ATXN7L1: variants seen among roughly 807,000 people sequenced by gnomAD.
ATXN7L1 encodes the protein ataxin-7-like protein 1.
Under a neutral mutation model 70.8 loss-of-function variants are expected in ATXN7L1, and 15 were observed. That is an observed-to-expected ratio of 0.21 (90% confidence interval 0.14 to 0.33). The LOEUF (loss-of-function observed/expected upper bound fraction) is 0.33. ATXN7L1 is among the 10% of genes least tolerant of loss of function. The pLI, the probability that ATXN7L1 is intolerant of heterozygous loss-of-function variation, is 1.00. For synonymous variants in ATXN7L1, 440 were observed against 445.1 expected, an observed-to-expected ratio of 0.99 and a Z score of 0.14; for missense variants, 975 against 1,097.1, an observed-to-expected ratio of 0.89 and a Z score of 1.57.
intron 3 of ATXN7L1, among the ~76,000 whole-genome samples, chr7:105,704,951 C>T (rs983832587): frequency 2.0e-5 from 3 of 152,082 alleles, no homozygotes; most frequent in Non-Finnish European, 2.9e-5. Context: ...AACCCAAGCA[C>T]ACTCTCCTGT....
Position 105,807,713 on chromosome 7 carries a change from C to T in ATXN7L1, c.251-19005G>A, listed in dbSNP as rs115405574. On this transcript the variant is annotated intron_variant, in intron 2 of 11. Coordinates refer to ENST00000419735, the MANE Select transcript of ATXN7L1 (RefSeq NM_020725.2). The stretch of plus-strand genomic sequence containing the variant: ...CCGGGCTGGGCTGCAGTAGCATGGA[C>T]GGACCCACATGGAGCACAGGTGAGC... Among the ~76,000 whole-genome samples, 861 of 152,282 alleles carry T rather than the reference C, an allele frequency of 5.7e-3. 5 individuals are homozygous for T. The highest frequency in any genetic ancestry group is 0.02 in the African/African-American group (825 of 41,528).
Position 105,638,580 on chromosome 7 carries a change from G to T in ATXN7L1, c.975C>A (p.Val325=). 1 of 1,551,872 alleles carries T rather than the reference G, an allele frequency of 6.4e-7. No homozygotes were observed. The highest frequency in any genetic ancestry group is 8.7e-7 in the Non-Finnish European group (1 of 1,147,040). The part of the protein sequence containing the change: ...KTHSLSHRRA[V]PGRKKQFDLL... ...GGTCAAATTGCTTTTTCCGGCCTGG[G>T]ACTGCCCTCCGATGGCTTAGCGAAT... is the stretch of plus-strand genomic sequence containing the variant. The change falls in exon 7 of 12, where the codon GTC becomes GTA. Residue 325 remains valine (V), a synonymous_variant. Coordinates refer to ENST00000419735, the MANE Select transcript of ATXN7L1 (RefSeq NM_020725.2).
intron 2 of ATXN7L1, among the ~76,000 whole-genome samples, chr7:105,825,964 G>A (rs1385062243): frequency 2.0e-5 from 3 of 152,206 alleles, no homozygotes; most frequent in African/African-American, 7.2e-5. Context: ...GGGTGGAGAT[G>A]TGTGACAGCC....
chr7:105,644,664 C>A (rs1157635752), intron 4 of ATXN7L1, among the ~76,000 whole-genome samples: 1 of 152,198 alleles, frequency 6.6e-6, no homozygotes. Flanking sequence ...AGATGCTAGA[C>A]AGGTATTACC....
At chr7:105,660,789 G>C (rs1305775784) in intron 4 of ATXN7L1, among the ~76,000 whole-genome samples, 1 of 151,924 alleles carries the variant, frequency 6.6e-6, no homozygotes, top group East Asian at 1.9e-4. Flanking sequence ...CACCATGTTG[G>C]TCAGGCTGGT....
intron 2 of ATXN7L1, among the ~76,000 whole-genome samples, chr7:105,842,363 C>T (rs545421725): frequency 6.6e-6 from 1 of 152,268 alleles, no homozygotes; most frequent in East Asian, 1.9e-4. Context: ...AAACCCCGTA[C>T]TTCCCAATTC....
At position 105,818,328 on chromosome 7, in the gene ATXN7L1, C is replaced by A. The variant is rs1290928596; in HGVS notation, c.251-29620G>T. Among the ~76,000 whole-genome samples, 3 of 152,150 alleles carry A rather than the reference C, an allele frequency of 2.0e-5. No individual in the cohort carries two copies. In the East Asian group the frequency reaches 5.8e-4, roughly 29 times the overall value. On this transcript the variant is annotated intron_variant, in intron 2 of 11. Coordinates refer to ENST00000419735, the MANE Select transcript of ATXN7L1 (RefSeq NM_020725.2). ...GGGGCTACAGGCACGTGCCACCACG[C>A]CCCAGCTAATTTTTGTATTTTTTGT...
intron 4 of ATXN7L1, among the ~76,000 whole-genome samples, chr7:105,663,292 C>T (rs569099012): frequency 6.6e-5 from 10 of 152,310 alleles, no homozygotes; most frequent in Admixed American, 2.6e-4. Context: ...AGCTTGCCCA[C>T]GAGGCCCAGC....
Position 105,840,102 on chromosome 7 carries a change from C to T in ATXN7L1, c.250+35710G>A, listed in dbSNP as rs142540761. ...GTGGAGAGCACAGGGACTCTGCCGGCAGGCAGTGGCTGGGCCTGGGAGGGC... is the reference window on the plus strand; with the variant it reads ...GTGGAGAGCACAGGGACTCTGCCGGTAGGCAGTGGCTGGGCCTGGGAGGGC... On this transcript the variant is annotated intron_variant, in intron 2 of 11. Coordinates refer to ENST00000419735, the MANE Select transcript of ATXN7L1 (RefSeq NM_020725.2). 2.3e-3 allele frequency among the ~76,000 whole-genome samples: 355 copies of T among 152,326 alleles called. 3 individuals carry two copies. The highest frequency in any genetic ancestry group is 8.0e-3 in the African/African-American group (333 of 41,568).
intron 4 of ATXN7L1, among the ~76,000 whole-genome samples, chr7:105,653,155 T>A (rs1238940082): frequency 6.6e-6 from 1 of 152,216 alleles, no homozygotes; most frequent in Non-Finnish European, 1.5e-5. Context: ...TCTTTTTTAA[T>A]CTCTATGTTA....
chr7:105,845,865 C>A (rs76012414), intron 2 of ATXN7L1, among the ~76,000 whole-genome samples: 5,228 of 152,144 alleles, frequency 0.034, 292 homozygotes, highest in African/African-American at 0.12. Flanking sequence ...AGAATTTTGG[C>A]CCCTACTTCA....
intron 3 of ATXN7L1, chr7:105,760,360 T>G: frequency 1.1e-6 from 1 of 928,184 alleles, no homozygotes; most frequent in Non-Finnish European, 1.3e-6. Context: ...ATTTTATATA[T>G]GAGGAAACAG....
chr7:105,734,244 T>C (rs972981655), intron 3 of ATXN7L1, among the ~76,000 whole-genome samples: 1 of 152,182 alleles, frequency 6.6e-6, no homozygotes, highest in African/African-American at 2.4e-5. Flanking sequence ...AAATAAGCTT[T>C]CCACATCATG....
chr7:105,796,090 C>T (rs141090968), intron 2 of ATXN7L1, among the ~76,000 whole-genome samples: 229 of 152,288 alleles, frequency 1.5e-3, no homozygotes, highest in South Asian at 2.3e-3. Context: ...CTTAGCTGGG[C>T]GTGGTGGCTC....
intron 2 of ATXN7L1, among the ~76,000 whole-genome samples, chr7:105,874,449 C>T (rs1485622211): frequency 6.6e-6 from 1 of 152,232 alleles, no homozygotes; most frequent in Non-Finnish European, 1.5e-5. Context: ...CCACTGCCAA[C>T]ACACATGAAC....
In ATXN7L1 at chr7:105,614,303, G is replaced by A; in HGVS notation, c.2031C>T (p.Asn677=). The stretch of plus-strand genomic sequence containing the variant: ...AAGCAGAACTGGCATTCAAAACACA[G>A]TTCTTTTTGTGAGGCCCTGACAGTG... ...SSPLSGPHKK[N]CVLNASSALN... is the part of the protein sequence containing the mutation. Residue 677 remains asparagine, a synonymous_variant, in exon 10 of 12, where the codon AAC becomes AAT. Transcript: ENST00000419735. The surrounding 1 kb of genome is among the most constrained non-coding windows in gnomAD (Gnocchi z 4.3). The A allele has an allele frequency of 1.3e-6, 2 of 1,552,196 alleles. No individual in the cohort carries two copies. Among genetic ancestry groups the A allele is most frequent in the Non-Finnish European group, 8.7e-7 (1 of 1,147,106 alleles).
chr7:105,777,407 G>A (rs1802887113), intron 3 of ATXN7L1, among the ~76,000 whole-genome samples: 1 of 152,182 alleles, frequency 6.6e-6, no homozygotes, highest in Non-Finnish European at 1.5e-5. Context: ...CTAACTTAGC[G>A]ACCTCTTCTC....
rs1554431636 is a variant in ATXN7L1 at position 105,692,411 on chromosome 7, T to TTCCTTCCCTCCCTCCC, written c.356-27124_356-27123insGGGAGGGAGGGAAGGA. 1.1e-3 allele frequency among the ~76,000 whole-genome samples: 137 copies of TTCCTTCCCTCCCTCCC among 119,450 alleles called. 2 individuals carry two copies. The highest frequency in any genetic ancestry group is 3.7e-3 in the Admixed American group (40 of 10,672). 78.4% of individuals were successfully genotyped at this position (119,450 alleles called of 152,430 possible). The stretch of plus-strand genomic sequence containing the variant: ...CTTCCTTCCTTCCTTCCTTCCTTCC[T>TTCCTTCCCTCCCTCCC]TCCTTCCTTCCTTCCTCCCTCCCTC... On this transcript the variant is annotated intron_variant, in intron 3 of 11. Coordinates refer to ENST00000419735, the MANE Select transcript of ATXN7L1 (RefSeq NM_020725.2).
At chr7:105,812,652 A>G (rs1302718906) in intron 2 of ATXN7L1, among the ~76,000 whole-genome samples, 1 of 152,150 alleles carries the variant, frequency 6.6e-6, no homozygotes, top group African/African-American at 2.4e-5. Context: ...CTGTACAGAT[A>G]TTTACTAAGC....
Sources: allele counts gnomAD v4.1 joint callset (sites outside exome capture counted in the v4.1 genomes callset), GRCh38; gene constraint gnomAD v4.1.1; non-coding constraint Gnocchi (gnomAD v3.1); transcripts MANE v1.5; gene names NCBI Gene and HGNC (gene_info 2026-07-23, HGNC 2026-07-21).